The following CDH12 variants were observed in gnomAD, a reference collection of about 807,000 sequenced individuals.
The protein encoded by CDH12 is cadherin 12, also known as cadherin-12.
CDH12 carries 41 observed loss-of-function variants against 74.1 expected under a neutral mutation model. The ratio of observed to expected loss-of-function variants is 0.55; its 90% CI spans 0.43 to 0.72. The LOEUF is 0.72. Ranked by LOEUF, CDH12 falls within the 30% of genes least tolerant of loss-of-function variation. The probability of loss-of-function intolerance (pLI) is 0.00; values close to 1 mark genes in which losing one functional copy is unlikely to be tolerated. For missense variants in CDH12, 945 were observed against 977.2 expected, an observed-to-expected ratio of 0.97 and a Z score of 0.44; for synonymous variants, 399 against 355.0, an observed-to-expected ratio of 1.12 and a Z score of -1.39.
intron 3 of CDH12, among the ~76,000 whole-genome samples, chr5:22,215,101 C>G (rs1313779656): frequency 1.3e-5 from 2 of 152,258 alleles, no homozygotes; most frequent in East Asian, 3.9e-4. Flanking sequence ...CCATGAACCC[C>G]TTAGTCCAAT....
intron 3 of CDH12, among the ~76,000 whole-genome samples, chr5:22,354,757 T>A (rs1740493542): frequency 6.6e-6 from 1 of 152,222 alleles, no homozygotes; most frequent in Admixed American, 6.5e-5. Context: ...TGACCACGGT[T>A]GCTTATTAAA....
chr5:22,301,507 G>A (rs1253021869), intron 3 of CDH12, among the ~76,000 whole-genome samples: 2 of 152,124 alleles, frequency 1.3e-5, no homozygotes, highest in African/African-American at 4.8e-5. Context: ...AAAGAGCCAA[G>A]TAAACTTCAG....
intron 5 of CDH12, among the ~76,000 whole-genome samples, chr5:22,048,957 T>A (rs977919716): frequency 5.9e-5 from 9 of 152,080 alleles, no homozygotes; most frequent in Non-Finnish European, 7.4e-5. Flanking sequence ...AATCCATTCA[T>A]ACTCCAAAAA....
chr5:22,723,943 C>A (rs1053022275), intron 1 of CDH12, among the ~76,000 whole-genome samples: 2 of 151,878 alleles, frequency 1.3e-5, no homozygotes, highest in African/African-American at 4.8e-5. Context: ...GGAAACTCTT[C>A]TGCTGTCCTC....
intron 5 of CDH12, among the ~76,000 whole-genome samples, chr5:22,041,180 T>C (rs1023851079): frequency 6.6e-5 from 10 of 151,926 alleles, no homozygotes; most frequent in Non-Finnish European, 1.3e-4. Flanking sequence ...AACACAAATA[T>C]ATAGCAGATG....
At chr5:22,226,545 T>C (rs1248231125) in intron 3 of CDH12, among the ~76,000 whole-genome samples, 1 of 152,020 alleles carries the variant, frequency 6.6e-6, no homozygotes, top group East Asian at 1.9e-4. Context: ...AGAAGCTTAA[T>C]TCTGCTGATA....
intron 1 of CDH12, among the ~76,000 whole-genome samples, chr5:22,845,761 A>G (rs915924079): frequency 1.3e-5 from 2 of 152,178 alleles, no homozygotes; most frequent in Non-Finnish European, 2.9e-5. Context: ...TGACGTAATG[A>G]GAAAGGAAAT....
intron 6 of CDH12, among the ~76,000 whole-genome samples, chr5:21,905,278 A>C (rs946751032): frequency 4.6e-5 from 7 of 152,244 alleles, no homozygotes; most frequent in African/African-American, 1.7e-4. Flanking sequence ...CAGAAATGAC[A>C]AAACAAGATA....
At chr5:22,794,699 C>G (rs908637940) in intron 1 of CDH12, among the ~76,000 whole-genome samples, 21 of 152,126 alleles carry the variant, frequency 1.4e-4, no homozygotes, top group African/African-American at 3.9e-4. Flanking sequence ...CTCCAATATA[C>G]AAATGCAGAG....
chr5:22,636,594 T>G (rs1028526084), intron 1 of CDH12, among the ~76,000 whole-genome samples: 2 of 152,176 alleles, frequency 1.3e-5, no homozygotes, highest in Admixed American at 1.3e-4. Flanking sequence ...TTGAAGTAGA[T>G]CTATATAAAA....
chr5:22,796,273 T>C (rs1263621678), intron 1 of CDH12, among the ~76,000 whole-genome samples: 2 of 152,196 alleles, frequency 1.3e-5, no homozygotes, highest in East Asian at 3.9e-4. Context: ...TCCATACTCT[T>C]GTCCATAATG....
intron 5 of CDH12, among the ~76,000 whole-genome samples, chr5:21,982,260 T>A (rs1017431085): frequency 1.3e-5 from 2 of 151,836 alleles, no homozygotes; most frequent in African/African-American, 4.8e-5. Flanking sequence ...GACACTGGAA[T>A]TTTTTTTCTG....
intron 1 of CDH12, among the ~76,000 whole-genome samples, chr5:22,771,841 T>C (rs1746822473): frequency 6.6e-6 from 1 of 152,114 alleles, no homozygotes; most frequent in African/African-American, 2.4e-5. Context: ...GCTGGACTAC[T>C]CTGTAGACTT....
chr5:21,828,125 A>AT (rs765920585), intron 8 of CDH12, among the ~76,000 whole-genome samples: 2,014 of 144,664 alleles, frequency 0.014, 29 homozygotes, highest in African/African-American at 0.04. Context: ...AAAACAATGA[A>AT]TTTTTTTTTT....
chr5:21,793,542 T>C (rs1225184023), intron 10 of CDH12, among the ~76,000 whole-genome samples: 1 of 151,720 alleles, frequency 6.6e-6, no homozygotes. Flanking sequence ...TTTGTTGAAC[T>C]AAGTCCAGTG....
chr5:22,565,834 T>C (rs1475448860), intron 1 of CDH12, among the ~76,000 whole-genome samples: 2 of 152,182 alleles, frequency 1.3e-5, no homozygotes, highest in Non-Finnish European at 2.9e-5. Context: ...TGTTATTTTA[T>C]ATGTATTTTA....
At chr5:22,797,287 C>T (rs2126405332) in intron 1 of CDH12, among the ~76,000 whole-genome samples, 1 of 152,122 alleles carries the variant, frequency 6.6e-6, no homozygotes, top group Non-Finnish European at 1.5e-5. Flanking sequence ...GGAACAGGCC[C>T]TCATCAGACA....
chr5:22,284,820 G>A (rs1031045351), intron 3 of CDH12, among the ~76,000 whole-genome samples: 1 of 151,078 alleles, frequency 6.6e-6, no homozygotes, highest in African/African-American at 2.4e-5. Flanking sequence ...CTTCAATAAT[G>A]AGAAACAAAA....
chr5:22,221,544 G>T (rs1752015348), intron 3 of CDH12, among the ~76,000 whole-genome samples: 1 of 151,866 alleles, frequency 6.6e-6, no homozygotes, highest in South Asian at 2.1e-4. Flanking sequence ...CTCACCTTGA[G>T]AATTTAGTCT....
Sources: gnomAD v4.1 joint callset for allele counts (sites outside exome capture counted in the v4.1 genomes callset) on GRCh38, gnomAD v4.1.1 for gene constraint, MANE v1.5 for transcripts, NCBI Gene and HGNC (gene_info 2026-07-23, HGNC 2026-07-21) for gene names.